RPGR: variants seen among roughly 807,000 people sequenced by gnomAD.
RPGR encodes X-linked retinitis pigmentosa GTPase regulator.
In RPGR, 10 loss-of-function variants were observed where a neutral mutation model predicts 56.3. The ratio of observed to expected loss-of-function variants is 0.18; its 90% confidence interval spans 0.11 to 0.30. The LOEUF is 0.30. Ranked by LOEUF, RPGR falls within the 10% of genes least tolerant of loss-of-function variation. The probability of loss-of-function intolerance (pLI) is 1.00; values close to 1 mark genes in which losing one functional copy is unlikely to be tolerated. For synonymous variants in RPGR, 197 were observed against 212.9 expected (o/e 0.93, Z 0.65); for missense variants, 538 against 590.9 (o/e 0.91, Z 0.93).
At chrX:38,289,764 T>C (rs1473355489) in intron 13 of RPGR, among the ~76,000 whole-genome samples, 2 of 112,655 alleles carry the variant, frequency 1.8e-5, no homozygotes, top group Admixed American at 9.4e-5. Flanking sequence ...AAGGAATTGC[T>C]TTCCGTTTCT....
rs1355771960 is a variant in RPGR, at chrX:38,321,454, A to G, written c.248-365T>C. ...GATGGCTTGAGCTCAGGAGTTCCAGACCAACCTGGGCAACATGGTGAAACC... is the reference window on the plus strand; with the variant it reads ...GATGGCTTGAGCTCAGGAGTTCCAGGCCAACCTGGGCAACATGGTGAAACC... On this transcript the variant is annotated intron_variant, in intron 3 of 18. Coordinates refer to ENST00000642395, the MANE Select transcript of RPGR (RefSeq NM_000328.3). Among the ~76,000 whole-genome samples, 3 of 111,252 alleles carry G rather than the reference A, an allele frequency of 2.7e-5. No individual in the cohort carries two copies. The East Asian group carries it at 8.4e-4, about 31-fold the overall frequency.
chrX:38,298,808 A>G, intron 10 of RPGR, 148 bp downstream of exon 10: 1 of 576,950 alleles, frequency 1.7e-6, no homozygotes. Flanking sequence ...ATTAACTCTA[A>G]AAGTTTGTTA....
chrX:38,324,137 G>T (rs765617331), intron 1 of RPGR, among the ~76,000 whole-genome samples: 1 of 111,805 alleles, frequency 8.9e-6, no homozygotes, highest in Non-Finnish European at 1.9e-5. Flanking sequence ...AGCTTGAAGC[G>T]CAGTGGCACA....
intron 6 of RPGR, 42 bp downstream of exon 6, chrX:38,317,274 T>C (rs747868550): frequency 2.4e-5 from 27 of 1,134,228 alleles, no homozygotes; most frequent in Non-Finnish European, 3.1e-5. Context: ...AATAACAACA[T>C]AGAAGTGGGA....
chrX:38,271,696 T>C (rs1204061545), intron 18 of RPGR, among the ~76,000 whole-genome samples: 1 of 111,877 alleles, frequency 8.9e-6, no homozygotes, highest in African/African-American at 3.2e-5. Flanking sequence ...TCTCTATAGA[T>C]AGACTTACTC....
intron 1 of RPGR, among the ~76,000 whole-genome samples, chrX:38,324,102 G>T (rs2067998174): frequency 9.0e-6 from 1 of 111,520 alleles, no homozygotes; most frequent in Non-Finnish European, 1.9e-5. Context: ...TATTTTTGTT[G>T]AGACAGGGTC....
chrX:38,327,471 C>T lies in RPGR; in HGVS notation c.-104G>A. On this transcript the variant is annotated 5_prime_UTR_variant, in exon 1 of 19. Transcript: ENST00000642395. ...CCGCACCGACGCGGGCCGCGAAAGC[C>T]CCCAAGTTCCGCATGGCGAAACTCC... The T allele has an allele frequency of 1.2e-6, 1 of 826,954 alleles. No homozygotes were observed. Among genetic ancestry groups the T allele is most frequent in the Non-Finnish European group, 1.7e-6 (1 of 605,939 alleles). The allele number at this position is 826,954 out of a possible 1,213,427, so 68.2% of individuals were successfully genotyped here. A position where few individuals can be genotyped will look rare whatever the true frequency, so the allele number is the denominator to read the frequency against.
chrX:38,320,825 G>A (rs963275423), intron 4 of RPGR, among the ~76,000 whole-genome samples: 1 of 112,835 alleles, frequency 8.9e-6, no homozygotes, highest in Non-Finnish European at 1.9e-5. Flanking sequence ...TAGAATCCAA[G>A]AAAAGAAGCT....
chrX:38,312,164 G>C (rs1266536270), intron 6 of RPGR, among the ~76,000 whole-genome samples: 1 of 111,714 alleles, frequency 9.0e-6, no homozygotes, highest in African/African-American at 3.3e-5. Context: ...TTTCTGAATT[G>C]ATCTGCACAG....
intron 1 of RPGR, among the ~76,000 whole-genome samples, chrX:38,324,282 G>T (rs1348293826): frequency 9.0e-6 from 1 of 110,967 alleles, no homozygotes; most frequent in East Asian, 2.8e-4. Flanking sequence ...CTGGGTTTTA[G>T]CATGTTGTTC....
rs5963395 is a variant in RPGR, at chrX:38,298,293, A to G, written c.1245+663T>C. The G allele has an allele frequency of 3.0e-3, 877 of 292,158 alleles. 6 individuals are homozygous for G. Among genetic ancestry groups the G allele is most frequent in the African/African-American group, 0.023 (800 of 34,432 alleles). The allele number at this position is 292,158 out of a possible 1,213,427, so 24.1% of individuals were successfully genotyped here. A position where few individuals can be genotyped will look rare whatever the true frequency, so the allele number is the denominator to read the frequency against. ...TCAAAAAAAAAAAAAACACATATAT[A>G]TATATGTCATTGGAACAATAATTTT... On this transcript the variant is annotated intron_variant, in intron 10 of 18. Transcript: ENST00000642395.
At chrX:38,308,471 G>T (rs2067647126) in intron 7 of RPGR, among the ~76,000 whole-genome samples, 1 of 111,224 alleles carries the variant, frequency 9.0e-6, no homozygotes, top group South Asian at 3.7e-4. Flanking sequence ...TTATCTTGTT[G>T]CTCTTTATAG....
chrX:38,291,093 C>T (rs2067270086), intron 12 of RPGR, 69 bp from the exon 13 acceptor site: 2 of 233,642 alleles, frequency 8.6e-6, no homozygotes, highest in Non-Finnish European at 1.4e-5. Context: ...GTATATAGTA[C>T]AAATATATAG....
chrX:38,320,447 T>G (rs1256876257), intron 4 of RPGR, among the ~76,000 whole-genome samples: 1 of 112,626 alleles, frequency 8.9e-6, no homozygotes, highest in Non-Finnish European at 1.9e-5. Context: ...ATGGGTCTAA[T>G]TGTAGACTCT....
At chrX:38,284,609 C>A (rs2042707067) in intron 15 of RPGR, 39 of 743,479 alleles carry the variant, frequency 5.2e-5, no homozygotes, top group Non-Finnish European at 6.2e-5. Flanking sequence ...GCTGTCATAA[C>A]TTTTCAAGAG....
Position 38,327,427 on chromosome X carries a change from C to A in RPGR, c.-60G>T. 9.0e-7 allele frequency: 1 copy of A among 1,109,382 alleles called. No homozygotes were observed. Among genetic ancestry groups the A allele is most frequent in the African/African-American group, 1.8e-5 (1 of 54,522 alleles). The allele number at this position is 1,109,382 out of a possible 1,213,427, so 91.4% of individuals were successfully genotyped here. Reference sequence around the variant, plus strand: ...AGGAGGCTGTAGAGGACGGTTTGGTCGGGGCTAAAGCAGCTACTCCGCACC... The same window carrying A: ...AGGAGGCTGTAGAGGACGGTTTGGTAGGGGCTAAAGCAGCTACTCCGCACC... On this transcript the variant is annotated 5_prime_UTR_variant, in exon 1 of 19. Transcript: ENST00000642395.
At position 38,286,658 on chromosome X, in the gene RPGR, C is replaced by T. The variant is rs5917557; in HGVS notation, c.1905+436G>A. On this transcript the variant is annotated intron_variant, in intron 15 of 18. Transcript: ENST00000642395. ...TCCTCTCCTTTCTCCTCCTTCCCCG[C>T]TCTTTCCTCCTTTTTCCTCTCTCCT... The T allele has an allele frequency of 0.16, 178,285 of 1,131,478 alleles. 10,907 individuals carry two copies. Among genetic ancestry groups the T allele is most frequent in the Middle Eastern group, 0.21 (664 of 3,091 alleles). The allele number at this position is 1,131,478 out of a possible 1,213,427, so 93.2% of individuals were successfully genotyped here.
At chrX:38,309,066 C>T (rs1214013535) in intron 7 of RPGR, among the ~76,000 whole-genome samples, 2 of 111,911 alleles carry the variant, frequency 1.8e-5, no homozygotes, top group African/African-American at 6.5e-5. Flanking sequence ...TAATAATTCA[C>T]TACCTAATTG....
intron 4 of RPGR, among the ~76,000 whole-genome samples, chrX:38,319,961 C>T (rs1010439758): frequency 1.6e-4 from 18 of 111,328 alleles, no homozygotes; most frequent in Non-Finnish European, 2.6e-4. Flanking sequence ...TAGGAAAAGA[C>T]GAAACCTAAT....
Sources: allele counts gnomAD v4.1 joint callset (sites outside exome capture counted in the v4.1 genomes callset), GRCh38; gene constraint gnomAD v4.1.1; transcripts MANE v1.5; gene names NCBI Gene and HGNC (gene_info 2026-07-23, HGNC 2026-07-21).